The following PVT1 variants were observed in gnomAD, a reference collection of about 807,000 sequenced individuals.
PVT1 encodes the protein Pvt1 oncogene, also known as CXCR4/PVT1 fusion.
At chr8:127,826,352 G>A (rs190189908) in intron 2 of PVT1, among the ~76,000 whole-genome samples, 3 of 152,190 alleles carry the variant, frequency 2.0e-5, no homozygotes, top group South Asian at 2.1e-4. Context: ...GTGATTTCTC[G>A]TAAAAATCAG....
chr8:128,035,649 G>A (rs528732317), intron 4 of PVT1, among the ~76,000 whole-genome samples: 13 of 152,222 alleles, frequency 8.5e-5, no homozygotes, highest in Non-Finnish European at 1.2e-4. Flanking sequence ...AAAGGACTTT[G>A]CAGATGTGAT....
chr8:127,874,734 T>C (rs1296153916), intron 2 of PVT1, among the ~76,000 whole-genome samples: 2 of 152,200 alleles, frequency 1.3e-5, no homozygotes, highest in East Asian at 1.9e-4. Flanking sequence ...TTGTGTGATC[T>C]TCTTCTTCCC....
chr8:128,051,534 A>G (rs1371605391), intron 4 of PVT1, among the ~76,000 whole-genome samples: 1 of 152,104 alleles, frequency 6.6e-6, no homozygotes, highest in Admixed American at 6.5e-5. Flanking sequence ...ACTTTCTATC[A>G]CCTTCTCCTC....
At chr8:127,897,897 A>AAGAG (rs1441771546) in intron 3 of PVT1, among the ~76,000 whole-genome samples, 1 of 144,536 alleles carries the variant, frequency 6.9e-6, no homozygotes, top group East Asian at 1.9e-4. Context: ...GAAAGAAAGA[A>AAGAG]AGAAAAAAAG....
At chr8:127,827,082 G>A (rs563449816) in intron 2 of PVT1, among the ~76,000 whole-genome samples, 20 of 135,690 alleles carry the variant, frequency 1.5e-4, no homozygotes, top group African/African-American at 4.8e-4. Flanking sequence ...CGTAATCTCC[G>A]CCTCCTGGGT....
chr8:127,874,566 T>C (rs568091803), intron 2 of PVT1, among the ~76,000 whole-genome samples: 11 of 152,242 alleles, frequency 7.2e-5, no homozygotes, highest in Non-Finnish European at 1.3e-4. Context: ...ATGAGACTGG[T>C]ACCTTCCTAG....
At chr8:127,942,874 T>C (rs1363424016) in intron 3 of PVT1, among the ~76,000 whole-genome samples, 1 of 152,246 alleles carries the variant, frequency 6.6e-6, no homozygotes, top group Non-Finnish European at 1.5e-5. Flanking sequence ...GAAACTGTCA[T>C]GTCCAATGCT....
chr8:127,837,316 G>A (rs1814920611), intron 2 of PVT1, among the ~76,000 whole-genome samples: 1 of 151,652 alleles, frequency 6.6e-6, no homozygotes, highest in Non-Finnish European at 1.5e-5. Context: ...CTTTCAACCT[G>A]TAAAAGGAAA....
intron 4 of PVT1, among the ~76,000 whole-genome samples, chr8:128,019,516 G>A (rs557261718): frequency 4.6e-5 from 7 of 152,298 alleles, no homozygotes; most frequent in African/African-American, 1.7e-4. Flanking sequence ...CTTTAAAAAC[G>A]AGTTCGCAAA....
At chr8:128,051,795 TG>T (rs1563675832) in intron 4 of PVT1, among the ~76,000 whole-genome samples, 2 of 152,012 alleles carry the variant, frequency 1.3e-5, no homozygotes, top group African/African-American at 4.8e-5. Flanking sequence ...TCTTTTTTTA[TG>T]GTTTATCTCT....
At chr8:128,101,127 C>T (rs10453) in intron 6 of PVT1, 47,499 of 151,928 alleles carry the variant, frequency 0.31, 7,976 homozygotes, top group Middle Eastern at 0.45. Context: ...TACCTGTCCA[C>T]CCCCACCCCT....
intron 4 of PVT1, among the ~76,000 whole-genome samples, chr8:128,003,378 C>A (rs1817207625): frequency 6.7e-6 from 1 of 149,400 alleles, no homozygotes; most frequent in Non-Finnish European, 1.5e-5. Flanking sequence ...TTCTTCTTCT[C>A]TTTGTTGTCC....
intron 2 of PVT1, among the ~76,000 whole-genome samples, chr8:127,826,960 C>T (rs1814795494): frequency 6.6e-6 from 1 of 151,550 alleles, no homozygotes; most frequent in Non-Finnish European, 1.5e-5. Flanking sequence ...TGGATCCTGG[C>T]CACAGGGCTT....
At chr8:127,811,092 C>T (rs927521898) in intron 2 of PVT1, among the ~76,000 whole-genome samples, 2 of 152,052 alleles carry the variant, frequency 1.3e-5, no homozygotes, top group African/African-American at 2.4e-5. Context: ...CCAGCGGGTC[C>T]CTCTTCTAGA....
intron 2 of PVT1, among the ~76,000 whole-genome samples, chr8:127,817,957 C>T (rs940848447): frequency 3.9e-5 from 6 of 152,284 alleles, no homozygotes; most frequent in Middle Eastern, 3.4e-3. Flanking sequence ...TGCTGTTCGC[C>T]TTGTTCCTGT....
intron 2 of PVT1, among the ~76,000 whole-genome samples, chr8:127,868,231 A>G (rs1815306341): frequency 6.6e-6 from 1 of 152,186 alleles, no homozygotes; most frequent in East Asian, 1.9e-4. Context: ...TCTCTGAGCT[A>G]TAAGGCCTCA....
chr8:128,100,615 T>A lies in PVT1; in HGVS notation n.1251+3961T>A, dbSNP rs141977524. Among the ~76,000 whole-genome samples the A allele has an allele frequency of 4.9e-3, 743 of 152,310 alleles. 8 individuals are homozygous for A. The highest frequency in any genetic ancestry group is 0.017 in the African/African-American group (701 of 41,552). ...GGTTTAGATGAGGAACTTCAGTTGG[T>A]CATCCCCTCTCTCATCCATCCTGTT... On this transcript the variant is annotated intron_variant and non_coding_transcript_variant, in intron 6 of 10. Coordinates refer to ENST00000651587, the Ensembl canonical transcript of PVT1.
chr8:128,001,749 C>T (rs1249770859), intron 4 of PVT1, among the ~76,000 whole-genome samples: 1 of 152,174 alleles, frequency 6.6e-6, no homozygotes, highest in Non-Finnish European at 1.5e-5. Context: ...AGCTAAAAGT[C>T]CAAGATCAAT....
At chr8:127,849,129 A>G (rs963823447) in intron 2 of PVT1, among the ~76,000 whole-genome samples, 2 of 152,084 alleles carry the variant, frequency 1.3e-5, no homozygotes, top group Non-Finnish European at 2.9e-5. Context: ...GTGTGTGTTC[A>G]TTTAGTGAGT....
Sources: allele counts gnomAD v4.1 joint callset (sites outside exome capture counted in the v4.1 genomes callset), GRCh38; gene constraint gnomAD v4.1.1; transcripts MANE v1.5; gene names NCBI Gene and HGNC (gene_info 2026-07-23, HGNC 2026-07-21).